KAZN: variants seen among roughly 807,000 people sequenced by gnomAD.
KAZN encodes kazrin.
In KAZN, 40 loss-of-function variants were observed where a neutral mutation model predicts 87.4. That is an observed-to-expected ratio of 0.46 (90% CI 0.36 to 0.60). The LOEUF is 0.60. Ranked by LOEUF, KAZN falls within the 20% of genes least tolerant of loss-of-function variation. The pLI is 0.00. For synonymous variants in KAZN, 466 were observed against 458.3 expected (o/e 1.02, Z -0.22); for missense variants, 898 against 1,073.9 (o/e 0.84, Z 2.29).
At chr1:14,340,736 A>G (rs1175896651) in intron 2 of KAZN, among the ~76,000 whole-genome samples, 1 of 152,150 alleles carries the variant, frequency 6.6e-6, no homozygotes, top group Non-Finnish European at 1.5e-5. Context: ...TTCATTTGCC[A>G]TTTATTCCAG....
intron 2 of KAZN, among the ~76,000 whole-genome samples, chr1:14,476,433 G>T (rs574062924): frequency 6.6e-6 from 1 of 152,320 alleles, no homozygotes; most frequent in East Asian, 1.9e-4. Context: ...CAGAACAGAA[G>T]TGAGGGCGAC....
intron 1 of KAZN, among the ~76,000 whole-genome samples, chr1:14,838,830 C>T (rs2100919718): frequency 6.6e-6 from 1 of 152,208 alleles, no homozygotes; most frequent in African/African-American, 2.4e-5. Flanking sequence ...CTCTATTGGC[C>T]CGGCTGATCT....
chr1:14,197,121 G>T (rs777629231), intron 2 of KAZN, among the ~76,000 whole-genome samples: 19 of 151,950 alleles, frequency 1.3e-4, no homozygotes, highest in Non-Finnish European at 2.4e-4. Context: ...AATGGGGAGG[G>T]GGGTAGAGAT....
intron 1 of KAZN, among the ~76,000 whole-genome samples, chr1:14,602,518 CTTG>C (rs1002079149): frequency 5.9e-5 from 9 of 152,166 alleles, no homozygotes; most frequent in East Asian, 1.9e-4. Flanking sequence ...TCCAATTCAT[CTTG>C]TTGTTGGTAG....
At chr1:14,209,972 A>G (rs1310669390) in intron 2 of KAZN, among the ~76,000 whole-genome samples, 3 of 152,086 alleles carry the variant, frequency 2.0e-5, no homozygotes, top group Admixed American at 2.0e-4. Context: ...ATGTAGCTTC[A>G]TCCTGTCCCT....
At chr1:14,262,556 T>G (rs1266498479) in intron 2 of KAZN, among the ~76,000 whole-genome samples, 1 of 152,230 alleles carries the variant, frequency 6.6e-6, no homozygotes, top group East Asian at 1.9e-4. Flanking sequence ...CATTCCACAC[T>G]GTGGAATTCA....
intron 1 of KAZN, among the ~76,000 whole-genome samples, chr1:14,859,024 G>A (rs992486318): frequency 3.3e-5 from 5 of 152,120 alleles, no homozygotes; most frequent in Non-Finnish European, 5.9e-5. Flanking sequence ...GGCTAACGCA[G>A]TGAAACCCTG....
intron 2 of KAZN, among the ~76,000 whole-genome samples, chr1:14,559,549 T>C (rs935602375): frequency 5.3e-5 from 8 of 152,206 alleles, no homozygotes; most frequent in Non-Finnish European, 1.2e-4. Flanking sequence ...TGCCTCTCAA[T>C]GTGTTTGTGA....
intron 2 of KAZN, among the ~76,000 whole-genome samples, chr1:14,485,595 G>A (rs1047344488): frequency 1.3e-5 from 2 of 152,094 alleles, no homozygotes; most frequent in East Asian, 1.9e-4. Flanking sequence ...TAATCTGCAC[G>A]CAATTAAAAG....
At chr1:14,558,282 C>T (rs903760873) in intron 2 of KAZN, among the ~76,000 whole-genome samples, 1 of 152,180 alleles carries the variant, frequency 6.6e-6, no homozygotes, top group African/African-American at 2.4e-5. Flanking sequence ...GAAACACCAC[C>T]AGCAAAATTT....
chr1:14,144,280 A>G (rs1295779799), intron 1 of KAZN, among the ~76,000 whole-genome samples: 1 of 152,108 alleles, frequency 6.6e-6, no homozygotes, highest in Non-Finnish European at 1.5e-5. Context: ...CCTTGTTTCC[A>G]GGATAGCATG....
At chr1:14,693,391 G>A (rs1428189055) in intron 1 of KAZN, among the ~76,000 whole-genome samples, 1 of 152,190 alleles carries the variant, frequency 6.6e-6, no homozygotes, top group South Asian at 2.1e-4. Context: ...GCGTCTCTGG[G>A]TCTAGCCTGC....
In KAZN at chr1:14,433,066, C is replaced by A. The variant is rs557476845; in HGVS notation, c.250-165917C>A. On this transcript the variant is annotated intron_variant, in intron 2 of 16. Coordinates refer to the KAZN transcript ENST00000636203. Reference sequence around the variant, plus strand: ...TCTCTGGATCTCATAACACTCCTCCCAAAGCTCTACATATTTATTTTTAAT... The same window carrying A: ...TCTCTGGATCTCATAACACTCCTCCAAAAGCTCTACATATTTATTTTTAAT... Among the ~76,000 whole-genome samples the A allele has an allele frequency of 8.5e-5, 13 of 152,174 alleles. No homozygotes were observed. In the South Asian group the frequency reaches 1.2e-3, roughly 15 times the overall value.
At chr1:14,734,847 G>A (rs893114700) in intron 1 of KAZN, among the ~76,000 whole-genome samples, 3 of 152,196 alleles carry the variant, frequency 2.0e-5, no homozygotes, top group Admixed American at 6.5e-5. Context: ...ACCAGACTGC[G>A]TGTCCCAAGC....
At chr1:14,116,923 G>A (rs1644635405) in intron 1 of KAZN, among the ~76,000 whole-genome samples, 1 of 152,166 alleles carries the variant, frequency 6.6e-6, no homozygotes, top group African/African-American at 2.4e-5. Flanking sequence ...CTGCCCTGCT[G>A]GATTTTGGAC....
intron 1 of KAZN, among the ~76,000 whole-genome samples, chr1:13,954,747 C>A (rs558403988): frequency 4.6e-5 from 7 of 152,302 alleles, no homozygotes; most frequent in Admixed American, 6.5e-5. Flanking sequence ...TGCAATTGCC[C>A]ATAATTTATC....
At chr1:14,355,560 C>T (rs1486427330) in intron 2 of KAZN, among the ~76,000 whole-genome samples, 1 of 152,132 alleles carries the variant, frequency 6.6e-6, no homozygotes, top group Non-Finnish European at 1.5e-5. Context: ...AGGTATTTCT[C>T]CTAATGCTGT....
intron 1 of KAZN, among the ~76,000 whole-genome samples, chr1:14,768,623 G>T (rs1644945585): frequency 6.6e-6 from 1 of 152,218 alleles, no homozygotes; most frequent in South Asian, 2.1e-4. Context: ...TGAGGGCACA[G>T]TTTGAGCATT....
At chr1:14,514,021 G>GA (rs1300295032) in intron 2 of KAZN, among the ~76,000 whole-genome samples, 3 of 151,032 alleles carry the variant, frequency 2.0e-5, no homozygotes, top group Non-Finnish European at 2.9e-5. Context: ...CAGCTGAGCC[G>GA]AAAAAAAATA....
Sources: allele counts gnomAD v4.1 joint callset (sites outside exome capture counted in the v4.1 genomes callset), GRCh38; gene constraint gnomAD v4.1.1; transcripts MANE v1.5; gene names NCBI Gene and HGNC (gene_info 2026-07-23, HGNC 2026-07-21).